ASIC2: variants seen among roughly 807,000 people sequenced by gnomAD.
ASIC2 encodes the protein acid sensing ion channel subunit 2.
Under a neutral mutation model 57.3 loss-of-function variants are expected in ASIC2, and 25 were observed. The observed-to-expected ratio is 0.44, with a 90% CI of 0.32 to 0.61. The LOEUF (loss-of-function observed/expected upper bound fraction) is 0.61. ASIC2 is among the 20% of genes least tolerant of loss of function. The pLI is 0.06. For synonymous variants in ASIC2, 319 were observed against 307.5 expected, an observed-to-expected ratio of 1.04 and a Z score of -0.39; for missense variants, 641 against 738.1, an observed-to-expected ratio of 0.87 and a Z score of 1.52.
chr17:33,683,255 A>G (rs1417607577), intron 1 of ASIC2, among the ~76,000 whole-genome samples: 1 of 152,162 alleles, frequency 6.6e-6, no homozygotes, highest in African/African-American at 2.4e-5. Context: ...TTTAGTAGAG[A>G]TGGGGTTTCA....
At chr17:34,098,122 A>G (rs1272360590) in intron 1 of ASIC2, among the ~76,000 whole-genome samples, 1 of 152,156 alleles carries the variant, frequency 6.6e-6, no homozygotes, top group Non-Finnish European at 1.5e-5. Context: ...TGAATTAGAC[A>G]TGGTTGCCCC....
chr17:33,096,994 C>T (rs192880841), intron 2 of ASIC2, among the ~76,000 whole-genome samples: 1 of 152,288 alleles, frequency 6.6e-6, no homozygotes, highest in East Asian at 1.9e-4. Flanking sequence ...GGTAGGTGCC[C>T]CCATTTTACA....
At chr17:33,115,900 T>C (rs1433289287) in intron 1 of ASIC2, among the ~76,000 whole-genome samples, 3 of 152,210 alleles carry the variant, frequency 2.0e-5, no homozygotes, top group African/African-American at 7.2e-5. Flanking sequence ...CATTTCCTTG[T>C]GCACCTCCAG....
At chr17:33,706,409 A>G (rs183192801) in intron 1 of ASIC2, among the ~76,000 whole-genome samples, 154 of 151,244 alleles carry the variant, frequency 1.0e-3, no homozygotes, top group Admixed American at 3.7e-3. Flanking sequence ...AATTTTGTAG[A>G]GACAAGGTTT....
intron 1 of ASIC2, among the ~76,000 whole-genome samples, chr17:34,110,299 G>C (rs1911223274): frequency 6.6e-6 from 1 of 152,178 alleles, no homozygotes; most frequent in Admixed American, 6.5e-5. Context: ...TACTTTCTAA[G>C]GTATTGCCCA....
intron 1 of ASIC2, among the ~76,000 whole-genome samples, chr17:33,761,332 G>A (rs1002418875): frequency 6.6e-6 from 1 of 152,146 alleles, no homozygotes; most frequent in African/African-American, 2.4e-5. Flanking sequence ...TGGGTTATGG[G>A]AAATCAGCCA....
chr17:33,355,561 T>C (rs1908344673), intron 1 of ASIC2, among the ~76,000 whole-genome samples: 1 of 152,184 alleles, frequency 6.6e-6, no homozygotes, highest in Admixed American at 6.5e-5. Context: ...CTTTTGAATT[T>C]CTTAAATGCA....
chr17:34,024,721 G>C (rs968204758), intron 1 of ASIC2, among the ~76,000 whole-genome samples: 1 of 152,174 alleles, frequency 6.6e-6, no homozygotes, highest in Non-Finnish European at 1.5e-5. Context: ...TGCAGGGCAG[G>C]CCTGAGGCCC....
rs755937859 is a variant in ASIC2, at chr17:34,156,131, C to T, written c.402G>A (p.Leu134=). 2.7e-5 allele frequency: 44 copies of T among 1,614,090 alleles called. No individual in the cohort carries two copies. Among genetic ancestry groups the T allele is most frequent in the Non-Finnish European group, 3.6e-5 (43 of 1,180,022 alleles). ...AGTTGGCCTTCTGCCGCAGGGCCTC[C>T]AGCACGGAGGGGTCAGCCAGATGGG... The change falls in exon 1 of 10, where the codon CTG becomes CTA. Residue 134 remains leucine, a synonymous_variant. Transcript: ENST00000359872. The surrounding 1 kb of genome is among the most constrained non-coding windows in gnomAD (Gnocchi z 4.4).
chr17:34,035,938 C>G (rs887492377), intron 1 of ASIC2, among the ~76,000 whole-genome samples: 4 of 151,722 alleles, frequency 2.6e-5, no homozygotes, highest in South Asian at 2.1e-4. Flanking sequence ...GTTGGTGGGA[C>G]TGTAAACTAG....
intron 1 of ASIC2, among the ~76,000 whole-genome samples, chr17:33,727,702 G>C (rs1052362918): frequency 2.6e-5 from 4 of 152,208 alleles, no homozygotes; most frequent in African/African-American, 9.6e-5. Context: ...CGGATGGCCA[G>C]TATCATGCTT....
chr17:33,767,689 G>A (rs1910973365), intron 1 of ASIC2, among the ~76,000 whole-genome samples: 1 of 152,122 alleles, frequency 6.6e-6, no homozygotes, highest in African/African-American at 2.4e-5. Context: ...TACTACAAAA[G>A]GACAAAGAGT....
At chr17:33,615,915 G>C (rs577683532) in intron 1 of ASIC2, among the ~76,000 whole-genome samples, 1 of 152,152 alleles carries the variant, frequency 6.6e-6, no homozygotes, top group Non-Finnish European at 1.5e-5. Flanking sequence ...TCTCAGACTG[G>C]GCTCTCACGG....
intron 1 of ASIC2, among the ~76,000 whole-genome samples, chr17:33,927,354 A>G (rs1277748011): frequency 6.6e-6 from 1 of 152,174 alleles, no homozygotes; most frequent in Non-Finnish European, 1.5e-5. Flanking sequence ...TGACTCTCCA[A>G]TGTGAGGGTA....
At chr17:33,949,056 A>C (rs1350854129) in intron 1 of ASIC2, among the ~76,000 whole-genome samples, 8 of 152,116 alleles carry the variant, frequency 5.3e-5, no homozygotes, top group Non-Finnish European at 8.8e-5. Context: ...TGAGTTTCAT[A>C]TAATGTTCAC....
At chr17:33,942,505 T>C (rs1916214212) in intron 1 of ASIC2, among the ~76,000 whole-genome samples, 1 of 152,110 alleles carries the variant, frequency 6.6e-6, no homozygotes, top group Admixed American at 6.5e-5. Flanking sequence ...TTCCACCTCC[T>C]TTTCTCCTTT....
intron 1 of ASIC2, among the ~76,000 whole-genome samples, chr17:33,596,882 T>A (rs1217490150): frequency 2.6e-5 from 4 of 152,190 alleles, no homozygotes; most frequent in South Asian, 4.1e-4. Flanking sequence ...GTTTGACAGA[T>A]GAGAAAAGAG....
At chr17:33,225,078 T>C (rs1277917948) in intron 1 of ASIC2, among the ~76,000 whole-genome samples, 1 of 152,198 alleles carries the variant, frequency 6.6e-6, no homozygotes, top group East Asian at 1.9e-4. Flanking sequence ...CTCCTGAGTA[T>C]GAACAGGTCA....
intron 1 of ASIC2, among the ~76,000 whole-genome samples, chr17:33,399,530 C>T (rs899678962): frequency 2.6e-5 from 4 of 152,154 alleles, no homozygotes; most frequent in Non-Finnish European, 5.9e-5. Context: ...AAAAAATCTC[C>T]GATGAACCAT....
Sources: allele counts gnomAD v4.1 joint callset (sites outside exome capture counted in the v4.1 genomes callset), GRCh38; gene constraint gnomAD v4.1.1; non-coding constraint Gnocchi (gnomAD v3.1); transcripts MANE v1.5; gene names NCBI Gene and HGNC (gene_info 2026-07-23, HGNC 2026-07-21).